NRXN1: variants seen among roughly 807,000 people sequenced by gnomAD.
The protein encoded by NRXN1 is neurexin-1.
NRXN1 carries 39 observed loss-of-function variants against 150.9 expected under a neutral mutation model. That is an observed-to-expected ratio of 0.26 (90% CI 0.20 to 0.34). The LOEUF (loss-of-function observed/expected upper bound fraction) is 0.34, where lower values mean the gene tolerates loss of function less well. Among genes scored for constraint, NRXN1 ranks in the 10% least tolerant of loss-of-function variants. The probability of loss-of-function intolerance (pLI) is 1.00; values close to 1 mark genes in which losing one functional copy is unlikely to be tolerated. For synonymous variants in NRXN1, 924 were observed against 757.0 expected (o/e 1.22, Z -3.62); for missense variants, 1,815 against 1,949.9 (o/e 0.93, Z 1.30).
intron 17 of NRXN1, among the ~76,000 whole-genome samples, chr2:50,378,561 G>A (rs2080700197): frequency 6.6e-6 from 1 of 152,184 alleles, no homozygotes; most frequent in Middle Eastern, 3.4e-3. Context: ...GAGAGCCTAT[G>A]AACTGCTTTC....
rs116402970 is a variant in NRXN1, at chr2:49,956,560, C to T, written c.4129-12769G>A. Among the ~76,000 whole-genome samples, 731 of 152,134 alleles carry T rather than the reference C, an allele frequency of 4.8e-3. 5 individuals carry two copies. Among genetic ancestry groups the T allele is most frequent in the African/African-American group, 0.017 (709 of 41,496 alleles). On this transcript the variant is annotated intron_variant, in intron 21 of 22. Transcript: ENST00000401669. ...GTGTCCCAACTCCCAGAGGAGCTAC[C>T]TCAGGAAAAAAGATCTCACATAGCA...
At chr2:50,821,794 C>G (rs973039040) in intron 5 of NRXN1, among the ~76,000 whole-genome samples, 11 of 152,146 alleles carry the variant, frequency 7.2e-5, no homozygotes, top group African/African-American at 2.4e-4. Flanking sequence ...TGATTTAGCT[C>G]ATAAACAAGG....
intron 18 of NRXN1, among the ~76,000 whole-genome samples, chr2:50,111,412 C>G (rs980477581): frequency 1.3e-5 from 2 of 151,998 alleles, no homozygotes; most frequent in Admixed American, 6.6e-5. Context: ...GAGGTTGAGG[C>G]GGGCAGATCA....
chr2:50,746,499 A>G (rs1287728661), intron 5 of NRXN1, among the ~76,000 whole-genome samples: 2 of 152,044 alleles, frequency 1.3e-5, no homozygotes, highest in African/African-American at 4.8e-5. Context: ...TTGAGGCTGC[A>G]GTGAGCCATG....
intron 5 of NRXN1, among the ~76,000 whole-genome samples, chr2:50,808,964 T>C (rs974093988): frequency 1.3e-5 from 2 of 152,100 alleles, no homozygotes; most frequent in African/African-American, 2.4e-5. Context: ...TGACAACTTT[T>C]AGGAAAAAAT....
At position 50,329,669 on chromosome 2, in the gene NRXN1, ATATAT is replaced by A. The variant is rs1315496563; in HGVS notation, c.3365-92704_3365-92700del. ...TATATATATATATATATATATATAT[ATATAT>A]TTTTTTTTTTCCCCCCCGAGACGGA... On this transcript the variant is annotated intron_variant, in intron 17 of 22. Coordinates refer to ENST00000401669, the MANE Select transcript of NRXN1 (RefSeq NM_001330078.2). Among the ~76,000 whole-genome samples the A allele has an allele frequency of 5.5e-3, 123 of 22,376 alleles. 2 individuals are homozygous for A. The highest frequency in any genetic ancestry group is 0.02 in the East Asian group (7 of 356). The allele number at this position is 22,376 out of a possible 152,430, so 14.7% of individuals were successfully genotyped here. A position where few individuals can be genotyped will look rare whatever the true frequency, so the allele number is the denominator to read the frequency against.
At chr2:50,295,114 T>C (rs1558471352) in intron 17 of NRXN1, among the ~76,000 whole-genome samples, 3 of 152,190 alleles carry the variant, frequency 2.0e-5, no homozygotes, top group Non-Finnish European at 2.9e-5. Flanking sequence ...CTGTTCTTTT[T>C]CCTGTTTCTG....
chr2:50,792,484 T>G (rs1165161314), intron 5 of NRXN1, among the ~76,000 whole-genome samples: 1 of 152,088 alleles, frequency 6.6e-6, no homozygotes, highest in South Asian at 2.1e-4. Context: ...AATACTCTTA[T>G]GGTCTCATTC....
chr2:49,996,218 CTT>C (rs1682975397), intron 21 of NRXN1, among the ~76,000 whole-genome samples: 1 of 152,074 alleles, frequency 6.6e-6, no homozygotes, highest in East Asian at 1.9e-4. Context: ...AAAATTAATT[CTT>C]ACAGGGAGGA....
chr2:50,128,289 C>A (rs548540814), intron 18 of NRXN1, among the ~76,000 whole-genome samples: 12 of 152,278 alleles, frequency 7.9e-5, no homozygotes, highest in Non-Finnish European at 1.6e-4. Flanking sequence ...GACCATGAGT[C>A]ATAATGACAT....
chr2:50,708,499 G>C (rs1229625149), intron 5 of NRXN1, among the ~76,000 whole-genome samples: 1 of 152,142 alleles, frequency 6.6e-6, no homozygotes, highest in East Asian at 1.9e-4. Context: ...TCGTTAGTAA[G>C]ATAAAGGACT....
chr2:50,814,978 GAGAATTCTT>G, intron 5 of NRXN1, among the ~76,000 whole-genome samples: 1 of 152,138 alleles, frequency 6.6e-6, no homozygotes, highest in Middle Eastern at 3.4e-3. Context: ...GAGCTATATA[GAGAATTCTT>G]AGAACTATGT....
chr2:50,157,067 G>C (rs866187872), intron 18 of NRXN1, among the ~76,000 whole-genome samples: 2 of 152,052 alleles, frequency 1.3e-5, no homozygotes, highest in Middle Eastern at 6.8e-3. Flanking sequence ...CCAATTCAAA[G>C]ACACATAGAG....
intron 17 of NRXN1, among the ~76,000 whole-genome samples, chr2:50,377,589 C>T (rs2080613116): frequency 6.6e-6 from 1 of 152,060 alleles, no homozygotes; most frequent in Non-Finnish European, 1.5e-5. Flanking sequence ...CTCCAAAGTG[C>T]CCACATACTA....
intron 17 of NRXN1, among the ~76,000 whole-genome samples, chr2:50,367,401 A>G (rs2079661677): frequency 6.6e-6 from 1 of 152,028 alleles, no homozygotes; most frequent in African/African-American, 2.4e-5. Context: ...ATACAACTAC[A>G]TGTGAGTAAG....
intron 17 of NRXN1, among the ~76,000 whole-genome samples, chr2:50,406,828 TAGCCAAGC>T (rs371192165): frequency 1.4e-3 from 211 of 152,314 alleles, no homozygotes; most frequent in African/African-American, 4.8e-3. Context: ...GTTGATATAC[TAGCCAAGC>T]TATAGGTCTA....
chr2:49,945,791 T>C (rs548313055), intron 21 of NRXN1, among the ~76,000 whole-genome samples: 4 of 152,344 alleles, frequency 2.6e-5, no homozygotes, highest in Admixed American at 2.0e-4. Flanking sequence ...CTATCATTGA[T>C]GAGCATTTGG....
intron 18 of NRXN1, among the ~76,000 whole-genome samples, chr2:50,161,057 A>G (rs1482796018): frequency 6.6e-6 from 1 of 152,086 alleles, no homozygotes; most frequent in Non-Finnish European, 1.5e-5. Context: ...ATTATATTTG[A>G]TATTTCTGTT....
chr2:50,603,777 A>C (rs1337320605), intron 8 of NRXN1, among the ~76,000 whole-genome samples: 1 of 152,182 alleles, frequency 6.6e-6, no homozygotes, highest in East Asian at 1.9e-4. Context: ...TGAAAGATGA[A>C]AACCCTAGTG....
Sources: allele counts gnomAD v4.1 joint callset (sites outside exome capture counted in the v4.1 genomes callset), GRCh38; gene constraint gnomAD v4.1.1; transcripts MANE v1.5; gene names NCBI Gene and HGNC (gene_info 2026-07-23, HGNC 2026-07-21).